SGCZ: variants seen among roughly 807,000 people sequenced by gnomAD.
SGCZ encodes the protein zeta-sarcoglycan.
A neutral mutation model predicts 41.3 loss-of-function variants in SGCZ; 40 were observed. That is an observed-to-expected ratio of 0.97 (90% CI 0.75 to 1.26). The LOEUF (loss-of-function observed/expected upper bound fraction) is 1.26. Among genes scored for constraint, SGCZ ranks in the 50% most tolerant of loss-of-function variants. The pLI is 0.00. For missense variants in SGCZ, 552 were observed against 369.8 expected, an observed-to-expected ratio of 1.49 and a Z score of -4.04; for synonymous variants, 206 against 137.5, an observed-to-expected ratio of 1.50 and a Z score of -3.49.
intron 2 of SGCZ, among the ~76,000 whole-genome samples, chr8:14,431,918 A>G (rs982381814): frequency 1.3e-5 from 2 of 151,806 alleles, no homozygotes; most frequent in African/African-American, 2.4e-5. Context: ...GCCAACAAAC[A>G]TATGAAAAAA....
intron 1 of SGCZ, among the ~76,000 whole-genome samples, chr8:15,204,201 G>C (rs1053144451): frequency 6.6e-6 from 1 of 152,130 alleles, no homozygotes; most frequent in Non-Finnish European, 1.5e-5. Flanking sequence ...ATCACCTTAA[G>C]ATTGTTTCAT....
chr8:14,969,601 G>A (rs1267687155), intron 1 of SGCZ, among the ~76,000 whole-genome samples: 1 of 151,564 alleles, frequency 6.6e-6, no homozygotes, highest in Non-Finnish European at 1.5e-5. Context: ...ATTTGTTTTT[G>A]TTTTTGTTTT....
intron 2 of SGCZ, among the ~76,000 whole-genome samples, chr8:14,432,284 C>T (rs959451163): frequency 6.6e-5 from 10 of 152,130 alleles, no homozygotes; most frequent in Admixed American, 3.3e-4. Context: ...AACCCAAATG[C>T]CCATCGATCA....
chr8:14,972,783 T>A (rs1178848936), intron 1 of SGCZ, among the ~76,000 whole-genome samples: 2 of 152,274 alleles, frequency 1.3e-5, no homozygotes, highest in East Asian at 1.9e-4. Context: ...TACGTCCATA[T>A]CTGCACTCCT....
chr8:15,098,789 T>C (rs1331435983), intron 1 of SGCZ, among the ~76,000 whole-genome samples: 1 of 152,226 alleles, frequency 6.6e-6, no homozygotes, highest in East Asian at 1.9e-4. Context: ...TCGGGTGCCA[T>C]GGCTCACGCC....
At chr8:14,135,215 T>G (rs557795162) in intron 5 of SGCZ, among the ~76,000 whole-genome samples, 2 of 152,222 alleles carry the variant, frequency 1.3e-5, no homozygotes, top group African/African-American at 4.8e-5. Context: ...TTTAAATGAA[T>G]AAATAATAAA....
At chr8:14,297,319 GA>G (rs916799231) in intron 3 of SGCZ, among the ~76,000 whole-genome samples, 3 of 151,108 alleles carry the variant, frequency 2.0e-5, no homozygotes, top group Non-Finnish European at 4.4e-5. Context: ...ATTTAATAGA[GA>G]AAAAAGATTA....
chr8:14,204,380 C>T (rs1201796284), intron 4 of SGCZ, among the ~76,000 whole-genome samples: 1 of 151,830 alleles, frequency 6.6e-6, no homozygotes, highest in African/African-American at 2.4e-5. Flanking sequence ...TGTCTTTTCC[C>T]TGATTTGAGA....
At chr8:14,903,151 T>C (rs1225265992) in intron 1 of SGCZ, among the ~76,000 whole-genome samples, 3 of 152,118 alleles carry the variant, frequency 2.0e-5, no homozygotes, top group Admixed American at 6.6e-5. Context: ...TACTATATCA[T>C]CTGCCTCAAT....
At chr8:14,530,334 C>T (rs763384309) in intron 2 of SGCZ, among the ~76,000 whole-genome samples, 7 of 152,022 alleles carry the variant, frequency 4.6e-5, no homozygotes, top group Non-Finnish European at 1.0e-4. Flanking sequence ...TCTCACAGAT[C>T]ATACATCAAA....
chr8:14,452,552 C>T (rs1029878426), intron 2 of SGCZ, among the ~76,000 whole-genome samples: 1 of 151,788 alleles, frequency 6.6e-6, no homozygotes, highest in Non-Finnish European at 1.5e-5. Context: ...CATGCATATA[C>T]TTTTTAAGTA....
intron 1 of SGCZ, among the ~76,000 whole-genome samples, chr8:14,746,871 T>C (rs1799352268): frequency 1.3e-5 from 2 of 152,206 alleles, no homozygotes; most frequent in Non-Finnish European, 2.9e-5. Flanking sequence ...ATAAGCATCT[T>C]TCAACTGTAT....
intron 1 of SGCZ, among the ~76,000 whole-genome samples, chr8:15,066,453 T>G (rs1361221259): frequency 6.6e-6 from 1 of 152,202 alleles, no homozygotes; most frequent in East Asian, 1.9e-4. Flanking sequence ...GTTTTATTTT[T>G]AAATCTGTAA....
intron 3 of SGCZ, among the ~76,000 whole-genome samples, chr8:14,246,485 T>C (rs1020099615): frequency 4.0e-5 from 6 of 151,364 alleles, no homozygotes; most frequent in South Asian, 2.1e-4. Context: ...TTAGGAGATA[T>C]ACCTAATGCT....
In SGCZ at chr8:14,323,999, C is replaced by G. The variant is rs967590773; in HGVS notation, c.336+104G>C. On this transcript the variant is annotated intron_variant, in intron 3 of 7. Coordinates refer to ENST00000382080, the MANE Select transcript of SGCZ (RefSeq NM_139167.4). The stretch of plus-strand genomic sequence containing the variant: ...AACATAGGTGTTTAGCTTAAGGAAA[C>G]TAAACACATGCTGAAGAGATAAGGG... 3.0e-5 allele frequency: 21 copies of G among 693,972 alleles called. No individual in the cohort carries two copies. In the African/African-American group the frequency reaches 3.8e-4, roughly 13 times the overall value. 43.0% of individuals were successfully genotyped at this position (693,972 alleles called of 1,614,324 possible).
chr8:14,993,887 C>T (rs916121968), intron 1 of SGCZ, among the ~76,000 whole-genome samples: 2 of 152,126 alleles, frequency 1.3e-5, no homozygotes, highest in African/African-American at 4.8e-5. Flanking sequence ...TTGAATAAAG[C>T]GTCATATGAC....
intron 1 of SGCZ, among the ~76,000 whole-genome samples, chr8:14,990,832 G>A (rs962688299): frequency 2.0e-5 from 3 of 152,046 alleles, no homozygotes; most frequent in African/African-American, 7.2e-5. Flanking sequence ...GCTGGGGACC[G>A]CTGCCTTGAG....
intron 2 of SGCZ, among the ~76,000 whole-genome samples, chr8:14,441,124 T>C (rs1036919056): frequency 1.1e-4 from 17 of 152,168 alleles, no homozygotes; most frequent in African/African-American, 4.1e-4. Flanking sequence ...AAGATTTTCT[T>C]CCAATATTCA....
intron 4 of SGCZ, among the ~76,000 whole-genome samples, chr8:14,234,768 A>C (rs142710902): frequency 0.012 from 1,869 of 152,290 alleles, 18 homozygotes; most frequent in South Asian, 0.028. Flanking sequence ...ACTTTTCTAC[A>C]TTGCTTGATT....
Sources: gnomAD v4.1 joint callset for allele counts (sites outside exome capture counted in the v4.1 genomes callset) on GRCh38, gnomAD v4.1.1 for gene constraint, MANE v1.5 for transcripts, NCBI Gene and HGNC (gene_info 2026-07-23, HGNC 2026-07-21) for gene names.